The following ZNF503 variants were observed in gnomAD, a reference collection of about 807,000 sequenced individuals.
ZNF503 encodes the protein NocA-like zinc finger 2.
In ZNF503, 15 loss-of-function variants were observed where a neutral mutation model predicts 34.4. The ratio of observed to expected loss-of-function variants is 0.44; its 90% CI spans 0.29 to 0.67. The LOEUF (loss-of-function observed/expected upper bound fraction) is 0.67, where lower values mean the gene tolerates loss of function less well. Among genes scored for constraint, ZNF503 ranks in the 30% least tolerant of loss-of-function variants. ZNF503 has a pLI of 0.13. For missense variants in ZNF503, 1,007 were observed against 926.8 expected (o/e 1.09, Z -1.12); for synonymous variants, 580 against 456.8 (o/e 1.27, Z -3.44).
chr10:75,395,635 C>T (rs981534345), downstream of ZNF503, among the ~76,000 whole-genome samples: 17 of 152,162 alleles, frequency 1.1e-4, no homozygotes, highest in African/African-American at 3.9e-4. This position sits in a 1 kb window ranked among gnomAD's most constrained non-coding sequence, Gnocchi z 4.4. Flanking sequence ...GCTCGCACCT[C>T]GGCCTGGACA....
At chr10:75,381,434 C>T in the ZNF503 span, among the ~76,000 whole-genome samples, 2 of 152,080 alleles carry the variant, frequency 1.3e-5, no homozygotes, top group Non-Finnish European at 2.9e-5. Context: ...ACTATGTTGC[C>T]CAGGCTGGTG....
At chr10:75,335,981 C>CCCTGACATT in the ZNF503 span, among the ~76,000 whole-genome samples, 880 of 152,338 alleles carry the variant, frequency 5.8e-3, 7 homozygotes, top group African/African-American at 0.02. Context: ...ACACACTTTT[C>CCCTGACATT]ATCTATTTCC....
At chr10:75,346,796 T>A in the ZNF503 span, among the ~76,000 whole-genome samples, 8 of 126,098 alleles carry the variant, frequency 6.3e-5, no homozygotes, top group African/African-American at 2.3e-4. Context: ...ACAGTCGGCT[T>A]ATTAAAAAGA....
the ZNF503 span, among the ~76,000 whole-genome samples, chr10:75,365,824 G>A: frequency 6.6e-6 from 1 of 151,804 alleles, no homozygotes; most frequent in Admixed American, 6.5e-5. Context: ...TGCTTAGGTT[G>A]TTGTTACTTT....
At chr10:75,385,153 G>C in the ZNF503 span, among the ~76,000 whole-genome samples, 11 of 152,144 alleles carry the variant, frequency 7.2e-5, no homozygotes, top group Non-Finnish European at 1.3e-4. Context: ...AGGCCAGCAA[G>C]GCAGTGAGCT....
At chr10:75,283,538 G>A in the ZNF503 span, among the ~76,000 whole-genome samples, 1 of 152,168 alleles carries the variant, frequency 6.6e-6, no homozygotes, top group Admixed American at 6.5e-5. Flanking sequence ...TGAGGGTGGA[G>A]AGAACTGTCG....
chr10:75,305,390 T>C, the ZNF503 span, among the ~76,000 whole-genome samples: 1 of 152,184 alleles, frequency 6.6e-6, no homozygotes, highest in African/African-American at 2.4e-5. Flanking sequence ...TGTAACATAC[T>C]GGTAGAGATC....
At chr10:75,368,978 AT>A in the ZNF503 span, among the ~76,000 whole-genome samples, 1 of 152,226 alleles carries the variant, frequency 6.6e-6, no homozygotes, top group African/African-American at 2.4e-5. Flanking sequence ...TGAGAATTGG[AT>A]TTAAATACAT....
chr10:75,350,787 C>T, the ZNF503 span, among the ~76,000 whole-genome samples: 4 of 152,124 alleles, frequency 2.6e-5, no homozygotes, highest in African/African-American at 9.7e-5. Context: ...CTCCTGGCCA[C>T]AAGTAATCCT....
the ZNF503 span, among the ~76,000 whole-genome samples, chr10:75,314,249 A>G: frequency 5.6e-4 from 84 of 151,268 alleles, no homozygotes; most frequent in Non-Finnish European, 1.0e-4. Context: ...AAAAAAAAAA[A>G]AAAAAAAAGA....
chr10:75,334,502 T>C, the ZNF503 span, among the ~76,000 whole-genome samples: 1 of 152,218 alleles, frequency 6.6e-6, no homozygotes, highest in Non-Finnish European at 1.5e-5. Context: ...TAAGAAATTA[T>C]AGTGCAGATT....
chr10:75,400,464 T>C (rs1340560997), intron 1 of ZNF503, 90 bp from the exon 2 acceptor site: 3 of 1,460,168 alleles, frequency 2.1e-6, no homozygotes, highest in Non-Finnish European at 2.7e-6. Context: ...CAAATGCCTC[T>C]CCGCAACAGC....
chr10:75,399,555 C>A lies in ZNF503; in HGVS notation c.1135G>T (p.Val379Leu). The A allele has an allele frequency of 6.3e-7, 1 of 1,594,792 alleles. No homozygotes were observed. The highest frequency in any genetic ancestry group is 8.5e-7 in the Non-Finnish European group (1 of 1,178,368). ...CCCGGCTTGGTGGGGTCAAGTGCCACGCCGTGTGGCAGGAACTGGGGCGGG... is the reference window on the plus strand; with the variant it reads ...CCCGGCTTGGTGGGGTCAAGTGCCAAGCCGTGTGGCAGGAACTGGGGCGGG... ...GYPPQFLPHG[V>L]ALDPTKPGSL... Residue 379 changes from valine (V) to leucine (L), a missense_variant, in exon 2 of 2, where the codon GTG becomes TTG. By Grantham distance (32) the Val-to-Leu change is conservative. Coordinates refer to ENST00000372524, the MANE Select transcript of ZNF503 (RefSeq NM_032772.6).
At chr10:75,282,542 A>C in the ZNF503 span, among the ~76,000 whole-genome samples, 1 of 152,196 alleles carries the variant, frequency 6.6e-6, no homozygotes, top group African/African-American at 2.4e-5. Flanking sequence ...GGGACAAGTA[A>C]CCTGCACCAT....
At chr10:75,390,739 T>C in the ZNF503 span, among the ~76,000 whole-genome samples, 1 of 152,172 alleles carries the variant, frequency 6.6e-6, no homozygotes, top group Admixed American at 6.5e-5. Context: ...CTGCCAATAT[T>C]CTATTCCTAC....
the ZNF503 span, among the ~76,000 whole-genome samples, chr10:75,314,828 A>G: frequency 6.6e-6 from 1 of 152,210 alleles, no homozygotes; most frequent in Admixed American, 6.5e-5. Flanking sequence ...GGAGACATAA[A>G]GACTTTTTCA....
the ZNF503 span, among the ~76,000 whole-genome samples, chr10:75,378,059 A>G: frequency 6.6e-6 from 1 of 151,968 alleles, no homozygotes; most frequent in Non-Finnish European, 1.5e-5. Flanking sequence ...TCTCATGAGA[A>G]TTCACTATCT....
the ZNF503 span, among the ~76,000 whole-genome samples, chr10:75,306,297 T>A: frequency 6.6e-6 from 1 of 152,314 alleles, no homozygotes; most frequent in East Asian, 1.9e-4. Flanking sequence ...TGATTAGTGA[T>A]GTTGAGTGTC....
the ZNF503 span, among the ~76,000 whole-genome samples, chr10:75,304,682 A>G: frequency 1.2e-4 from 19 of 152,364 alleles, no homozygotes; most frequent in African/African-American, 4.1e-4. Context: ...AATATTTTCT[A>G]TGTTAACTAG....
Sources: allele counts gnomAD v4.1 joint callset (sites outside exome capture counted in the v4.1 genomes callset), GRCh38; gene constraint gnomAD v4.1.1; non-coding constraint Gnocchi (gnomAD v3.1); transcripts MANE v1.5; gene names NCBI Gene and HGNC (gene_info 2026-07-23, HGNC 2026-07-21).